LAMA3: variants seen among roughly 807,000 people sequenced by gnomAD.
LAMA3 encodes laminin subunit alpha 3.
A neutral mutation model predicts 402.0 loss-of-function variants in LAMA3; 281 were observed. The observed-to-expected ratio is 0.70, with a 90% CI of 0.63 to 0.77. The LOEUF (loss-of-function observed/expected upper bound fraction) is 0.77. Among genes scored for constraint, LAMA3 ranks in the 30% least tolerant of loss-of-function variants. The pLI is 0.00. For synonymous variants in LAMA3, 1,431 were observed against 1,558.4 expected (o/e 0.92, Z 1.93); for missense variants, 3,840 against 4,215.5 (o/e 0.91, Z 2.47).
chr18:23,951,885 C>T lies in LAMA3; in HGVS notation c.9736+108C>T, dbSNP rs2082927713. 1.3e-5 allele frequency: 11 copies of T among 826,850 alleles called. No homozygotes were observed. The South Asian group carries it at 1.6e-4, about 12-fold the overall frequency. 51.2% of individuals were successfully genotyped at this position (826,850 alleles called of 1,614,324 possible). On this transcript the variant is annotated intron_variant, in intron 73 of 74. Coordinates refer to ENST00000313654, the MANE Select transcript of LAMA3 (RefSeq NM_198129.4). The stretch of plus-strand genomic sequence containing the variant: ...AGCCCCTCCATCCACAGTGCCTGAC[C>T]AGGGCCAGCCCCCGAGGCTAACGTG...
At chr18:23,883,583 T>C (rs1404267535) in intron 40 of LAMA3, among the ~76,000 whole-genome samples, 2 of 152,192 alleles carry the variant, frequency 1.3e-5, no homozygotes, top group Non-Finnish European at 2.9e-5. Flanking sequence ...CAAGTGTGGC[T>C]TCTCTGGAGA....
At chr18:23,811,183 G>C (rs2063062036) in intron 13 of LAMA3, among the ~76,000 whole-genome samples, 1 of 152,132 alleles carries the variant, frequency 6.6e-6, no homozygotes, top group Non-Finnish European at 1.5e-5. Flanking sequence ...ATGTACCATG[G>C]CAGAGGGGAC....
In LAMA3 at chr18:23,950,156, A is replaced by G. The variant is rs2145562489; in HGVS notation, c.9639A>G (p.Gly3213=). The change falls in exon 72 of 75, where the codon GGA becomes GGG. Residue 3213 remains glycine (G), a synonymous_variant. Transcript: ENST00000313654. ...ACTTATGTGTTTACCTGGAGGCAGGAAAGGTGTGTAGCAGTCTGATGCCAT... is the reference window on the plus strand; with the variant it reads ...ACTTATGTGTTTACCTGGAGGCAGGGAAGGTGTGTAGCAGTCTGATGCCAT... ...GKHLCVYLEA[G]KVTASMDSGA... is the part of the protein sequence containing the mutation. The G allele has an allele frequency of 1.9e-6, 3 of 1,614,116 alleles. No individual in the cohort carries two copies. The highest frequency in any genetic ancestry group is 1.1e-5 in the South Asian group (1 of 91,066).
Position 23,890,129 on chromosome 18 carries a change from C to A in LAMA3, c.5410+12C>A, listed in dbSNP as rs756359104. ...TCCCCTGACTGGAGGTAAGGCCGACCCACACCCCTGCTAACTTGCATTTAT... is the reference window on the plus strand; with the variant it reads ...TCCCCTGACTGGAGGTAAGGCCGACACACACCCCTGCTAACTTGCATTTAT... On this transcript the variant is annotated intron_variant, in intron 42 of 74. Transcript: ENST00000313654. The A allele has an allele frequency of 1.3e-5, 20 of 1,539,978 alleles. No individual in the cohort carries two copies. Among genetic ancestry groups the A allele is most frequent in the Non-Finnish European group, 1.7e-5 (19 of 1,112,462 alleles).
At chr18:23,856,555 A>G (rs1447611598) in intron 32 of LAMA3, among the ~76,000 whole-genome samples, 1 of 152,082 alleles carries the variant, frequency 6.6e-6, no homozygotes, top group Non-Finnish European at 1.5e-5. Flanking sequence ...TTCTCCAGGC[A>G]CAGCCATAGC....
At chr18:23,913,065 G>A (rs930640862) in intron 56 of LAMA3, among the ~76,000 whole-genome samples, 184 bp downstream of exon 56, 1 of 152,310 alleles carries the variant, frequency 6.6e-6, no homozygotes, top group Admixed American at 6.5e-5. Context: ...TGCCCTCGAG[G>A]GGCCTCCCAT....
intron 61 of LAMA3, 145 bp downstream of exon 61, chr18:23,921,199 T>A: frequency 9.6e-7 from 1 of 1,046,872 alleles, no homozygotes; most frequent in Non-Finnish European, 1.4e-6. Flanking sequence ...CTTTTAAAAT[T>A]TGCACATTTC....
chr18:23,697,941 C>T (rs1411628819), intron 1 of LAMA3, among the ~76,000 whole-genome samples: 1 of 152,030 alleles, frequency 6.6e-6, no homozygotes, highest in African/African-American at 2.4e-5. Context: ...CACCTTCTGC[C>T]TGTGTCTTCA....
intron 23 of LAMA3, among the ~76,000 whole-genome samples, chr18:23,833,403 A>G (rs2063522548): frequency 6.8e-6 from 1 of 146,556 alleles, no homozygotes; most frequent in Non-Finnish European, 1.5e-5. Flanking sequence ...TAAAAAAAAA[A>G]CAATTAAAGA....
intron 18 of LAMA3, among the ~76,000 whole-genome samples, chr18:23,816,932 C>G (rs1391281956): frequency 6.6e-6 from 1 of 151,884 alleles, no homozygotes; most frequent in African/African-American, 2.4e-5. Context: ...TGCGACATAC[C>G]CAGGTGCTTG....
chr18:23,790,649 C>T (rs1568186800), intron 12 of LAMA3, among the ~76,000 whole-genome samples: 1 of 152,174 alleles, frequency 6.6e-6, no homozygotes, highest in Non-Finnish European at 1.5e-5. Flanking sequence ...AGTCATAGAA[C>T]ATTTGGGTGA....
chr18:23,933,063 C>T (rs931729635), intron 66 of LAMA3, among the ~76,000 whole-genome samples: 5 of 152,176 alleles, frequency 3.3e-5, no homozygotes, highest in Admixed American at 1.3e-4. Context: ...GGACAAGAAT[C>T]GTGAGATAAA....
chr18:23,930,761 G>T (rs1206726227), intron 64 of LAMA3, among the ~76,000 whole-genome samples: 3 of 152,056 alleles, frequency 2.0e-5, no homozygotes, highest in Non-Finnish European at 4.4e-5. Flanking sequence ...TAAAAATTTA[G>T]AAATGATTTA....
intron 2 of LAMA3, among the ~76,000 whole-genome samples, chr18:23,741,282 A>T (rs2061559129): frequency 6.6e-6 from 1 of 152,038 alleles, no homozygotes; most frequent in Non-Finnish European, 1.5e-5. Context: ...GGTGATGATA[A>T]ACCCAAAAGA....
At chr18:23,873,024 A>G in intron 38 of LAMA3, 4 of 1,614,098 alleles carry the variant, frequency 2.5e-6, no homozygotes, top group Non-Finnish European at 3.4e-6. Context: ...CTGCGCAGCC[A>G]GCGGACGTCC....
chr18:23,902,995 T>C lies in LAMA3; in HGVS notation c.6202-14T>C, dbSNP rs775784952. 8 of 1,522,586 alleles carry C rather than the reference T, an allele frequency of 5.3e-6. No individual in the cohort carries two copies. Among genetic ancestry groups the C allele is most frequent in the Non-Finnish European group, 7.3e-6 (8 of 1,097,156 alleles). The allele number at this position is 1,522,586 out of a possible 1,614,324, so 94.3% of individuals were successfully genotyped here. On this transcript the variant is annotated splice_polypyrimidine_tract_variant and intron_variant, in intron 48 of 74. Transcript: ENST00000313654. ...TATCATAGAGCTCAAGCAATTTTTT[T>C]TTATTTTCTCCAGAGACAAGTGAAA...
At position 23,812,153 on chromosome 18, in the gene LAMA3, G is replaced by A. The variant is rs564330554; in HGVS notation, c.1742-904G>A. On this transcript the variant is annotated intron_variant, in intron 13 of 74. Coordinates refer to ENST00000313654, the MANE Select transcript of LAMA3 (RefSeq NM_198129.4). Reference sequence around the variant, plus strand: ...CTCCCAAAGTGCTGGGATTACAGGCGTGAGCCACCACTCCCAGCCTCTAGA... The same window carrying A: ...CTCCCAAAGTGCTGGGATTACAGGCATGAGCCACCACTCCCAGCCTCTAGA... Among the ~76,000 whole-genome samples, 124 of 152,080 alleles carry A rather than the reference G, an allele frequency of 8.2e-4. 1 individual carries two copies. The highest frequency in any genetic ancestry group is 2.4e-3 in the African/African-American group (100 of 41,440).
intron 62 of LAMA3, 58 bp downstream of exon 62, chr18:23,921,643 C>A (rs867061987): frequency 1.3e-6 from 2 of 1,578,972 alleles, no homozygotes; most frequent in South Asian, 1.1e-5. Flanking sequence ...ATGATTGTGA[C>A]CAAAAAAAAT....
chr18:23,918,079 G>A lies in LAMA3; in HGVS notation c.7923+1384G>A, dbSNP rs1359028967. On this transcript the variant is annotated intron_variant, in intron 60 of 74. Coordinates refer to ENST00000313654, the MANE Select transcript of LAMA3 (RefSeq NM_198129.4). The surrounding 1 kb of genome is among the most constrained non-coding windows in gnomAD (Gnocchi z 4.1). The stretch of plus-strand genomic sequence containing the variant: ...AGTTGATTTTTGCATATGGTGAAAG[G>A]AAGGGGTCCAGTTTCAGTCTTGTGC... 6.6e-6 allele frequency among the ~76,000 whole-genome samples: 1 copy of A among 152,104 alleles called. No individual in the cohort carries two copies. Among genetic ancestry groups the A allele is most frequent in the African/African-American group, 2.4e-5 (1 of 41,406 alleles).
Sources: gnomAD v4.1 joint callset for allele counts (sites outside exome capture counted in the v4.1 genomes callset) on GRCh38, gnomAD v4.1.1 for gene constraint, Gnocchi (gnomAD v3.1) non-coding constraint, MANE v1.5 for transcripts, NCBI Gene and HGNC (gene_info 2026-07-23, HGNC 2026-07-21) for gene names.